SCIN: variants seen among roughly 807,000 people sequenced by gnomAD.
SCIN encodes the protein adseverin.
A neutral mutation model predicts 91.8 loss-of-function variants in SCIN; 91 were observed. The ratio of observed to expected loss-of-function variants is 0.99; its 90% CI spans 0.84 to 1.18. SCIN has a LOEUF of 1.18. Among genes scored for constraint, SCIN ranks in the 50% most tolerant of loss-of-function variants. The pLI is 0.00. For missense variants in SCIN, 1,087 were observed against 863.9 expected, an observed-to-expected ratio of 1.26 and a Z score of -3.24; for synonymous variants, 367 against 312.6, an observed-to-expected ratio of 1.17 and a Z score of -1.84.
intron 11 of SCIN, among the ~76,000 whole-genome samples, chr7:12,643,464 C>T (rs1783895375): frequency 6.6e-6 from 1 of 152,162 alleles, no homozygotes; most frequent in African/African-American, 2.4e-5. Flanking sequence ...TGATAGATTC[C>T]TTTGAGCTTG....
chr7:12,601,930 A>G (rs1337095352), intron 3 of SCIN, among the ~76,000 whole-genome samples: 1 of 152,182 alleles, frequency 6.6e-6, no homozygotes, highest in African/African-American at 2.4e-5. Flanking sequence ...ATGCAATGAC[A>G]TTTATGTAGC....
chr7:12,638,177 C>G (rs1192060234), intron 10 of SCIN, among the ~76,000 whole-genome samples: 1 of 152,186 alleles, frequency 6.6e-6, no homozygotes, highest in African/African-American at 2.4e-5. Flanking sequence ...CAAGAAGACC[C>G]TATTTTCCTC....
At position 12,653,437 on chromosome 7, in the gene SCIN, A is replaced by C. The variant is rs1784121866; in HGVS notation, c.*722A>C. The C allele has an allele frequency of 6.7e-6, 1 of 149,810 alleles. No homozygotes were observed. The highest frequency in any genetic ancestry group is 6.6e-5 in the Admixed American group (1 of 15,180). 9.3% of individuals were successfully genotyped at this position (149,810 alleles called of 1,614,324 possible). Reference sequence around the variant, plus strand: ...TTCTCTTTTCTATAGATTGTGTTCAAAAGATGTGTATACTTGCAATAAGGT... The same window carrying C: ...TTCTCTTTTCTATAGATTGTGTTCACAAGATGTGTATACTTGCAATAAGGT... On this transcript the variant is annotated 3_prime_UTR_variant, in exon 16 of 16. Coordinates refer to ENST00000297029, the MANE Select transcript of SCIN (RefSeq NM_001112706.3). This position sits in a 1 kb window ranked among gnomAD's most constrained non-coding sequence, Gnocchi z 4.1.
At chr7:12,626,863 G>A (rs1305747963) in intron 8 of SCIN, 64 bp downstream of exon 8, 23 of 1,390,590 alleles carry the variant, frequency 1.7e-5, no homozygotes, top group African/African-American at 5.7e-5. Flanking sequence ...GGAGGGTGGG[G>A]GAGATCACTT....
intron 3 of SCIN, 146 bp downstream of exon 3, chr7:12,581,367 T>G: frequency 1.4e-6 from 1 of 739,474 alleles, no homozygotes; most frequent in Admixed American, 2.9e-5. Context: ...TGCCAAGTAT[T>G]TAAATGACGC....
At chr7:12,575,934 T>G (rs1391152912) in intron 1 of SCIN, among the ~76,000 whole-genome samples, 2 of 152,280 alleles carry the variant, frequency 1.3e-5, no homozygotes, top group African/African-American at 4.8e-5. Context: ...TCCTGTTTTA[T>G]TCATACAGAT....
chr7:12,625,529 C>A (rs755230971), intron 6 of SCIN, among the ~76,000 whole-genome samples: 25 of 148,438 alleles, frequency 1.7e-4, no homozygotes, highest in Non-Finnish European at 2.8e-4. Context: ...TGGGCTTTCA[C>A]CGTGTTAGCC....
chr7:12,574,484 A>C (rs768418364), intron 1 of SCIN, among the ~76,000 whole-genome samples: 1 of 152,138 alleles, frequency 6.6e-6, no homozygotes, highest in African/African-American at 2.4e-5. Context: ...CAGATGTATG[A>C]ATTTACACAT....
intron 3 of SCIN, among the ~76,000 whole-genome samples, chr7:12,587,008 C>T (rs536272364): frequency 2.6e-5 from 4 of 152,130 alleles, no homozygotes; most frequent in African/African-American, 9.6e-5. Context: ...TTCTGTTCTA[C>T]TGTTGTATAG....
chr7:12,600,068 G>C (rs1027794360), intron 3 of SCIN, among the ~76,000 whole-genome samples: 1 of 152,040 alleles, frequency 6.6e-6, no homozygotes, highest in Non-Finnish European at 1.5e-5. Flanking sequence ...TTGGGTTCTT[G>C]GTCATGAAGT....
rs985045453 is a variant in SCIN, at chr7:12,657,193, A to T, written c.*4478A>T. The T allele has an allele frequency of 6.7e-6, 1 of 149,514 alleles. No individual in the cohort carries two copies. The highest frequency in any genetic ancestry group is 1.5e-5 in the Non-Finnish European group (1 of 67,628). The allele number at this position is 149,514 out of a possible 1,614,324, so 9.3% of individuals were successfully genotyped here. On this transcript the variant is annotated 3_prime_UTR_variant, in exon 16 of 16. Coordinates refer to ENST00000297029, the MANE Select transcript of SCIN (RefSeq NM_001112706.3). ...CCAACAAAAATGCATACATGTGTGT[A>T]CTAAAGGATATAATATGATTTTTTT...
At chr7:12,577,302 A>C (rs1363117008) in intron 1 of SCIN, among the ~76,000 whole-genome samples, 1 of 152,190 alleles carries the variant, frequency 6.6e-6, no homozygotes, top group Non-Finnish European at 1.5e-5. Flanking sequence ...CCCATTGTAA[A>C]AACCACTTAT....
chr7:12,583,511 G>C (rs1782529311), intron 3 of SCIN, among the ~76,000 whole-genome samples: 1 of 152,266 alleles, frequency 6.6e-6, no homozygotes, highest in East Asian at 1.9e-4. Flanking sequence ...ACCACACTAA[G>C]CTAACTTGGT....
intron 9 of SCIN, among the ~76,000 whole-genome samples, chr7:12,635,192 A>T (rs544567438): frequency 1.3e-5 from 2 of 151,900 alleles, no homozygotes; most frequent in African/African-American, 4.8e-5. Flanking sequence ...AATAATAATA[A>T]ATAATTCCTT....
chr7:12,629,301 G>T, intron 9 of SCIN, 79 bp downstream of exon 9: 1 of 1,330,764 alleles, frequency 7.5e-7, no homozygotes, highest in Non-Finnish European at 1.0e-6. Flanking sequence ...ATGCATTATG[G>T]GGTAGAATAA....
At chr7:12,620,275 A>G (rs1783380394) in intron 4 of SCIN, among the ~76,000 whole-genome samples, 1 of 152,052 alleles carries the variant, frequency 6.6e-6, no homozygotes, top group Non-Finnish European at 1.5e-5. Context: ...AACTGTAACC[A>G]TCATACTATA....
At chr7:12,573,915 C>G (rs2115198822) in intron 1 of SCIN, among the ~76,000 whole-genome samples, 1 of 152,266 alleles carries the variant, frequency 6.6e-6, no homozygotes, top group Middle Eastern at 3.4e-3. Context: ...TGGCTAGAAA[C>G]TGGATCATTT....
chr7:12,581,039 C>T, intron 2 of SCIN, 21 bp from the exon 3 acceptor site: 1 of 1,545,382 alleles, frequency 6.5e-7, no homozygotes, highest in Non-Finnish European at 8.7e-7. Context: ...TTTTGTGTGT[C>T]TGTCTTCCCT....
rs1783111640 is a variant in SCIN at position 12,607,918 on chromosome 7, A to G, written c.666+3255A>G. On this transcript the variant is annotated intron_variant, in intron 4 of 15. Transcript: ENST00000297029. ...ATGAACTTGGTTGGGAAGAATTACAACTTTATTTTCACTAACCTCTTAACT... is the reference window on the plus strand; with the variant it reads ...ATGAACTTGGTTGGGAAGAATTACAGCTTTATTTTCACTAACCTCTTAACT... Among the ~76,000 whole-genome samples, 4 of 152,188 alleles carry G rather than the reference A, an allele frequency of 2.6e-5. No individual in the cohort carries two copies. The South Asian group carries it at 8.3e-4, about 32-fold the overall frequency.
Sources: allele counts gnomAD v4.1 joint callset (sites outside exome capture counted in the v4.1 genomes callset), GRCh38; gene constraint gnomAD v4.1.1; non-coding constraint Gnocchi (gnomAD v3.1); transcripts MANE v1.5; gene names NCBI Gene and HGNC (gene_info 2026-07-23, HGNC 2026-07-21).